The following PCDHGB6 variants were observed in gnomAD, a reference collection of about 807,000 sequenced individuals.
The protein encoded by PCDHGB6 is protocadherin gamma-B6.
In PCDHGB6, 51 loss-of-function variants were observed where a neutral mutation model predicts 59.1. The ratio of observed to expected loss-of-function variants is 0.86; its 90% CI spans 0.69 to 1.09. The LOEUF is 1.09. Ranked by LOEUF, PCDHGB6 falls within the 50% of genes least tolerant of loss-of-function variation. The probability of loss-of-function intolerance (pLI) is 0.00; values close to 1 mark genes in which losing one functional copy is unlikely to be tolerated. For missense variants in PCDHGB6, 1,148 were observed against 1,205.1 expected (o/e 0.95, Z 0.70); for synonymous variants, 466 against 495.1 (o/e 0.94, Z 0.78).
chr5:141,487,355 G>A lies in PCDHGB6; in HGVS notation c.2419-7452G>A. ...AGCCTGTGGAGTCACATGCTTTCCT[G>A]CTGGCACCTGTGCCTGTCTCACCAG... On this transcript the variant is annotated intron_variant, in intron 1 of 3. Coordinates refer to ENST00000520790, the MANE Select transcript of PCDHGB6 (RefSeq NM_018926.3). This position sits in a 1 kb window ranked among gnomAD's most constrained non-coding sequence, Gnocchi z 5.0. 1 of 1,614,150 alleles carries A rather than the reference G, an allele frequency of 6.2e-7. No homozygotes were observed. Among genetic ancestry groups the A allele is most frequent in the South Asian group, 1.1e-5 (1 of 91,090 alleles).
chr5:141,418,424 G>A lies in PCDHGB6; in HGVS notation c.2418+7804G>A, dbSNP rs1427064246. Reference sequence around the variant, plus strand: ...GGTGGAGAAAGACAATCCTGATGGTGGCAAATATCCAGAATTAGTATTGCA... The same window carrying A: ...GGTGGAGAAAGACAATCCTGATGGTAGCAAATATCCAGAATTAGTATTGCA... On this transcript the variant is annotated intron_variant, in intron 1 of 3. Coordinates refer to ENST00000520790, the MANE Select transcript of PCDHGB6 (RefSeq NM_018926.3). 1 of 1,613,974 alleles carries A rather than the reference G, an allele frequency of 6.2e-7. No individual in the cohort carries two copies. Among genetic ancestry groups the A allele is most frequent in the Non-Finnish European group, 8.5e-7 (1 of 1,179,872 alleles).
At position 141,431,612 on chromosome 5, in the gene PCDHGB6, G is replaced by A. The variant is rs79883194; in HGVS notation, c.2418+20992G>A. 1.9e-6 allele frequency: 3 copies of A among 1,614,126 alleles called. No homozygotes were observed. The highest frequency in any genetic ancestry group is 2.5e-6 in the Non-Finnish European group (3 of 1,180,052). ...AGTGAGGTATTCCTTCCGGTATGTG[G>A]ACGACAAGGCGGCCCAAGTTTTCAA... On this transcript the variant is annotated intron_variant, in intron 1 of 3. Coordinates refer to ENST00000520790, the MANE Select transcript of PCDHGB6 (RefSeq NM_018926.3). This position sits in a 1 kb window ranked among gnomAD's most constrained non-coding sequence, Gnocchi z 4.8.
intron 1 of PCDHGB6, chr5:141,441,726 C>A: frequency 2.8e-6 from 1 of 353,524 alleles, no homozygotes; most frequent in Non-Finnish European, 5.6e-6. Flanking sequence ...GGCCCGCGAC[C>A]AGGACTAGCT....
Position 141,505,427 on chromosome 5 carries a change from A to G in PCDHGB6, c.2512A>G (p.Asn838Asp), listed in dbSNP as rs1453435374. Reference protein sequence around the residue: ...QNGDDTGTWPNNQFDTEMLQA... With the variant: ...QNGDDTGTWPDNQFDTEMLQA... The stretch of plus-strand genomic sequence containing the variant: ...TGGCGATGACACCGGCACCTGGCCC[A>G]ACAACCAGTTTGACACAGAGATGCT... The change falls in exon 3 of 4, where the codon AAC (asparagine) becomes GAC (aspartate). Residue 838 changes from asparagine to aspartate, a missense_variant. Physicochemically the swap from Asn to Asp is conservative, Grantham distance 23 (BLOSUM62 1). Around this residue, in one of 5 missense-constraint regions of PCDHGB6, gnomAD observed 283 missense variants for 318.6 expected, o/e 0.89. Coordinates refer to ENST00000520790, the MANE Select transcript of PCDHGB6 (RefSeq NM_018926.3). 1 of 1,614,230 alleles carries G rather than the reference A, an allele frequency of 6.2e-7. No individual in the cohort carries two copies. Among genetic ancestry groups the G allele is most frequent in the East Asian group, 2.2e-5 (1 of 44,878 alleles).
intron 2 of PCDHGB6, among the ~76,000 whole-genome samples, chr5:141,499,675 T>A (rs1426498530): frequency 2.0e-5 from 3 of 150,746 alleles, no homozygotes; most frequent in African/African-American, 7.3e-5. Flanking sequence ...GTCTCCACCA[T>A]CTTTAACAGA....
In PCDHGB6 at chr5:141,432,122, G is replaced by C; in HGVS notation, c.2418+21502G>C. On this transcript the variant is annotated intron_variant, in intron 1 of 3. Transcript: ENST00000520790. This position sits in a 1 kb window ranked among gnomAD's most constrained non-coding sequence, Gnocchi z 6.0. ...CGACAACCCGCCGGTCTTCCCTCAG[G>C]CCTCCTATTCCGCTTATATCCCAGA... 6.2e-7 allele frequency: 1 copy of C among 1,614,052 alleles called. No homozygotes were observed. Among genetic ancestry groups the C allele is most frequent in the Non-Finnish European group, 8.5e-7 (1 of 1,180,022 alleles).
chr5:141,466,581 T>C (rs1426600962), intron 1 of PCDHGB6, among the ~76,000 whole-genome samples: 2 of 152,198 alleles, frequency 1.3e-5, no homozygotes, highest in Non-Finnish European at 2.9e-5. Flanking sequence ...GTCTCATCCC[T>C]TCTTAAAACA....
chr5:141,487,423 C>T lies in PCDHGB6; in HGVS notation c.2419-7384C>T. 1 of 1,614,158 alleles carries T rather than the reference C, an allele frequency of 6.2e-7. No homozygotes were observed. Among genetic ancestry groups the T allele is most frequent in the Non-Finnish European group, 8.5e-7 (1 of 1,180,012 alleles). On this transcript the variant is annotated intron_variant, in intron 1 of 3. Transcript: ENST00000520790. The surrounding 1 kb of genome is among the most constrained non-coding windows in gnomAD (Gnocchi z 5.0). ...GGCTTCCCCCTTCCAATGGGATCCTCCGAATCCAGCTAGGGTCAGATGACC... is the reference window on the plus strand; with the variant it reads ...GGCTTCCCCCTTCCAATGGGATCCTTCGAATCCAGCTAGGGTCAGATGACC...
At chr5:141,430,948 A>C (rs753305931) in intron 1 of PCDHGB6, 47 of 1,609,938 alleles carry the variant, frequency 2.9e-5, no homozygotes, top group Non-Finnish European at 4.0e-5. Context: ...CGGAGCGCGG[A>C]GTCCGCATCA....
rs373728953 is a variant in PCDHGB6 at position 141,491,753 on chromosome 5, C to A, written c.2419-3054C>A. The A allele has an allele frequency of 6.3e-7, 1 of 1,585,146 alleles. No homozygotes were observed. The highest frequency in any genetic ancestry group is 8.6e-7 in the Non-Finnish European group (1 of 1,166,912). On this transcript the variant is annotated intron_variant, in intron 1 of 3. Transcript: ENST00000520790. This position sits in a 1 kb window ranked among gnomAD's most constrained non-coding sequence, Gnocchi z 6.9. The stretch of plus-strand genomic sequence containing the variant: ...ACCCCTGGGGGCGGCACTGGAGAAG[C>A]CGCCCGTCCTCATAAGGGATTGAAC...
chr5:141,423,011 T>C, intron 1 of PCDHGB6: 4 of 1,614,186 alleles, frequency 2.5e-6, no homozygotes, highest in Non-Finnish European at 3.4e-6. Flanking sequence ...GTGGTTGCGG[T>C]GGACAAAGAT....
At position 141,487,116 on chromosome 5, in the gene PCDHGB6, A is replaced by G. The variant is rs749256818; in HGVS notation, c.2419-7691A>G. On this transcript the variant is annotated intron_variant, in intron 1 of 3. Transcript: ENST00000520790. This position sits in a 1 kb window ranked among gnomAD's most constrained non-coding sequence, Gnocchi z 5.0. ...CCACAGAAGCTGGTCATTGTGGTAA[A>G]GGATAGTGGTAGTCCACCACTCTCT... The G allele has an allele frequency of 3.1e-6, 5 of 1,614,022 alleles. No individual in the cohort carries two copies.
intron 1 of PCDHGB6, among the ~76,000 whole-genome samples, chr5:141,463,542 G>A (rs1376087953): frequency 7.1e-6 from 1 of 141,810 alleles, no homozygotes; most frequent in African/African-American, 2.6e-5. Context: ...TCCGGCTCCC[G>A]GGTTCATGCC....
chr5:141,500,232 G>A (rs1024752888), intron 2 of PCDHGB6, among the ~76,000 whole-genome samples: 1 of 137,690 alleles, frequency 7.3e-6, no homozygotes, highest in South Asian at 2.3e-4. Flanking sequence ...TTATTGATAC[G>A]TAGCCTTGCT....
intron 1 of PCDHGB6, chr5:141,422,371 C>A: frequency 6.4e-7 from 1 of 1,567,208 alleles, no homozygotes; most frequent in South Asian, 1.2e-5. Context: ...AGAAAATGGT[C>A]AAGTCTCCTG....
At chr5:141,469,629 C>T (rs933972587) in intron 1 of PCDHGB6, among the ~76,000 whole-genome samples, 1 of 152,070 alleles carries the variant, frequency 6.6e-6, no homozygotes, top group Admixed American at 6.6e-5. Context: ...GTTTGTAGTT[C>T]CAAAATATTT....
chr5:141,425,500 T>C (rs2096879850), intron 1 of PCDHGB6, among the ~76,000 whole-genome samples: 1 of 152,246 alleles, frequency 6.6e-6, no homozygotes, highest in South Asian at 2.1e-4. Context: ...GCTATACCTT[T>C]ATATTCTCTT....
intron 1 of PCDHGB6, chr5:141,428,863 T>C (rs1160939898): frequency 6.7e-6 from 1 of 149,182 alleles, no homozygotes; most frequent in African/African-American, 2.4e-5. Context: ...CGGGAGACTT[T>C]TTTTTTTTTT....
intron 1 of PCDHGB6, chr5:141,422,988 C>T: frequency 6.2e-7 from 1 of 1,614,232 alleles, no homozygotes; most frequent in Non-Finnish European, 8.5e-7. Context: ...AACCTGGCTA[C>T]CTGGTGACCA....
Sources: gnomAD v4.1 joint callset for allele counts (sites outside exome capture counted in the v4.1 genomes callset) on GRCh38, gnomAD v4.1.1 for gene constraint, gnomAD v4.1.1 regional missense constraint, Gnocchi (gnomAD v3.1) non-coding constraint, MANE v1.5 for transcripts, NCBI Gene and HGNC (gene_info 2026-07-23, HGNC 2026-07-21) for gene names.